The following RAD51B variants were observed in gnomAD, a reference collection of about 807,000 sequenced individuals.
RAD51B encodes the protein RAD51 paralog B.
Under a neutral mutation model 42.2 loss-of-function variants are expected in RAD51B, and 38 were observed. That is an observed-to-expected ratio of 0.90 (90% CI 0.70 to 1.18). The LOEUF (loss-of-function observed/expected upper bound fraction) is 1.18, where lower values mean the gene tolerates loss of function less well. Ranked by LOEUF, RAD51B falls within the 50% of genes most tolerant of loss-of-function variation. The pLI is 0.00. For missense variants in RAD51B, 373 were observed against 400.7 expected, an observed-to-expected ratio of 0.93 and a Z score of 0.59; for synonymous variants, 154 against 145.2, an observed-to-expected ratio of 1.06 and a Z score of -0.43.
At chr14:68,678,126 G>C (rs118147054) in intron 11 of RAD51B, among the ~76,000 whole-genome samples, 4 of 152,154 alleles carry the variant, frequency 2.6e-5, no homozygotes, top group Non-Finnish European at 4.4e-5. Flanking sequence ...CTTGCCCAAG[G>C]TTACATAGCT....
intron 9 of RAD51B, among the ~76,000 whole-genome samples, chr14:68,439,469 C>A (rs79467163): frequency 6.7e-6 from 1 of 149,398 alleles, no homozygotes; most frequent in Non-Finnish European, 1.5e-5. Flanking sequence ...CTTGAACTAC[C>A]AGGATATGTC....
In RAD51B at chr14:68,066,870, G is replaced by A. The variant is rs142570269; in HGVS notation, c.756+179666G>A. 2.5e-4 allele frequency among the ~76,000 whole-genome samples: 38 copies of A among 152,174 alleles called. 1 individual carries two copies. The highest frequency in any genetic ancestry group is 8.7e-4 in the African/African-American group (36 of 41,500). On this transcript the variant is annotated intron_variant, in intron 7 of 10. Transcript: ENST00000471583. ...AGAATTTAAAAGCAGGCTGATACTC[G>A]AGCATTTTGAGGTCATATTTGATGT...
At chr14:68,239,785 ACTTTC>A (rs2080344578) in intron 7 of RAD51B, among the ~76,000 whole-genome samples, 1 of 152,222 alleles carries the variant, frequency 6.6e-6, no homozygotes, top group Non-Finnish European at 1.5e-5. Flanking sequence ...CATTTCAGAT[ACTTTC>A]CATTGTCCCT....
At chr14:68,322,927 TA>T (rs2082182456) in intron 8 of RAD51B, among the ~76,000 whole-genome samples, 2 of 152,144 alleles carry the variant, frequency 1.3e-5, no homozygotes, top group Admixed American at 1.3e-4. Context: ...AACGGTTGGT[TA>T]AAAAGGGACA....
In RAD51B at chr14:68,393,935, C is replaced by T. The variant is rs201499350; in HGVS notation, c.854-17489C>T. On this transcript the variant is annotated intron_variant, in intron 8 of 10. Transcript: ENST00000471583. ...GTCTGCCCCAAATTCAGGTCTTTCT[C>T]ATTTTTAGGGCCAGGGAAGAAGACA... Among the ~76,000 whole-genome samples, 42 of 152,184 alleles carry T rather than the reference C, an allele frequency of 2.8e-4. No individual in the cohort carries two copies. In the East Asian group the frequency reaches 8.1e-3, roughly 29 times the overall value.
At chr14:67,957,835 T>C (rs1379284602) in intron 7 of RAD51B, among the ~76,000 whole-genome samples, 1 of 152,204 alleles carries the variant, frequency 6.6e-6, no homozygotes, top group Non-Finnish European at 1.5e-5. Context: ...TTGTAGTGTA[T>C]GCAATATGGA....
intron 7 of RAD51B, among the ~76,000 whole-genome samples, chr14:67,901,410 A>G (rs936042420): frequency 6.6e-6 from 1 of 152,074 alleles, no homozygotes; most frequent in Non-Finnish European, 1.5e-5. Context: ...ATTTCTTCTC[A>G]TTAGCTACAG....
At chr14:68,076,764 T>G (rs1156936486) in intron 7 of RAD51B, among the ~76,000 whole-genome samples, 4 of 152,214 alleles carry the variant, frequency 2.6e-5, no homozygotes, top group African/African-American at 9.6e-5. Flanking sequence ...CGCCACAATT[T>G]CTTGCTTAAA....
chr14:67,849,406 C>G (rs1348508588), intron 4 of RAD51B, among the ~76,000 whole-genome samples: 1 of 152,176 alleles, frequency 6.6e-6, no homozygotes, highest in African/African-American at 2.4e-5. Flanking sequence ...CTCAGCCTCC[C>G]AAGTAGCTGG....
At chr14:68,372,904 A>G (rs964936542) in intron 8 of RAD51B, among the ~76,000 whole-genome samples, 1 of 152,216 alleles carries the variant, frequency 6.6e-6, no homozygotes, top group Non-Finnish European at 1.5e-5. Context: ...CCTAGCACTC[A>G]CTGTTGGATC....
At chr14:67,838,343 GA>G (rs1200010649) in intron 4 of RAD51B, among the ~76,000 whole-genome samples, 1 of 152,116 alleles carries the variant, frequency 6.6e-6, no homozygotes, top group Non-Finnish European at 1.5e-5. Context: ...CTAGCAAAAC[GA>G]TAAAGTAAAT....
chr14:68,604,375 G>C (rs1891355683), intron 10 of RAD51B, among the ~76,000 whole-genome samples: 1 of 79,148 alleles, frequency 1.3e-5, no homozygotes, highest in South Asian at 5.7e-4. Context: ...AAATATTCTA[G>C]AGATTTTTCA....
chr14:68,509,391 C>T (rs1394195149), intron 10 of RAD51B, among the ~76,000 whole-genome samples: 1 of 152,240 alleles, frequency 6.6e-6, no homozygotes, highest in East Asian at 1.9e-4. Context: ...GTGCTGTTCC[C>T]TGAGTGAACT....
chr14:68,219,775 G>T (rs1566737647), intron 7 of RAD51B, among the ~76,000 whole-genome samples: 1 of 152,072 alleles, frequency 6.6e-6, no homozygotes, highest in African/African-American at 2.4e-5. Flanking sequence ...ACAAAATGAG[G>T]TTCTTTAACA....
At chr14:68,363,562 G>A (rs2083075540) in intron 8 of RAD51B, among the ~76,000 whole-genome samples, 1 of 152,172 alleles carries the variant, frequency 6.6e-6, no homozygotes, top group African/African-American at 2.4e-5. Context: ...CCTCATTGGA[G>A]TGTGCAGGGC....
At chr14:68,323,681 A>G (rs2082196970) in intron 8 of RAD51B, among the ~76,000 whole-genome samples, 2 of 152,170 alleles carry the variant, frequency 1.3e-5, no homozygotes, top group South Asian at 4.1e-4. Flanking sequence ...TGTAATCCCA[A>G]CTACTCCGGA....
chr14:68,559,658 C>T (rs1050995233), intron 10 of RAD51B, among the ~76,000 whole-genome samples: 3 of 152,120 alleles, frequency 2.0e-5, no homozygotes, highest in Admixed American at 6.5e-5. Flanking sequence ...GGGTTACATG[C>T]GTGGGTCACT....
intron 7 of RAD51B, among the ~76,000 whole-genome samples, chr14:67,963,549 T>A (rs550829718): frequency 3.9e-5 from 6 of 152,284 alleles, no homozygotes; most frequent in Admixed American, 3.9e-4. Context: ...TTGACCCCTT[T>A]TCTCTTACCA....
intron 8 of RAD51B, among the ~76,000 whole-genome samples, chr14:68,384,645 A>G (rs145199378): frequency 2.6e-5 from 4 of 152,326 alleles, no homozygotes; most frequent in African/African-American, 9.6e-5. Flanking sequence ...ACTGAAGGAA[A>G]GTTGTCTTGG....
Sources: allele counts gnomAD v4.1 joint callset (sites outside exome capture counted in the v4.1 genomes callset), GRCh38; gene constraint gnomAD v4.1.1; transcripts MANE v1.5; gene names NCBI Gene and HGNC (gene_info 2026-07-23, HGNC 2026-07-21).